TBC1D9: variants seen among roughly 807,000 people sequenced by gnomAD.
TBC1D9 encodes the protein TBC1 domain family member 9, also known as TBC1 domain family member 9A.
Under a neutral mutation model 132.0 loss-of-function variants are expected in TBC1D9, and 63 were observed. That is an observed-to-expected ratio of 0.48 (90% CI 0.39 to 0.59). The LOEUF (loss-of-function observed/expected upper bound fraction) is 0.59. Among genes scored for constraint, TBC1D9 ranks in the 20% least tolerant of loss-of-function variants. The pLI is 0.00. For missense variants in TBC1D9, 1,261 were observed against 1,592.7 expected (o/e 0.79, Z 3.54); for synonymous variants, 610 against 609.9 (o/e 1.00, Z 0.00).
intron 15 of TBC1D9, 85 bp from the exon 16 acceptor site, chr4:140,634,273 C>T: frequency 1.9e-6 from 3 of 1,542,402 alleles, no homozygotes; most frequent in Non-Finnish European, 2.6e-6. Flanking sequence ...TTGGAAAGGG[C>T]TTTAGGTGAA....
At chr4:140,712,449 A>AATATATATACATAT (rs1553972306) in intron 1 of TBC1D9, among the ~76,000 whole-genome samples, 6 of 102,706 alleles carry the variant, frequency 5.8e-5, no homozygotes, top group Non-Finnish European at 1.1e-4. Context: ...AAAAAAAAAG[A>AATATATATACATAT]ATATATATAT....
chr4:140,694,271 T>A (rs1737918431), intron 2 of TBC1D9, among the ~76,000 whole-genome samples: 1 of 152,144 alleles, frequency 6.6e-6, no homozygotes, highest in African/African-American at 2.4e-5. Flanking sequence ...ATAAAATATC[T>A]ACTTATTAAA....
intron 16 of TBC1D9, 113 bp from the exon 17 acceptor site, chr4:140,628,478 G>A (rs1423355640): frequency 4.3e-5 from 43 of 989,994 alleles, no homozygotes; most frequent in Non-Finnish European, 2.2e-5. Flanking sequence ...GACATTGTGT[G>A]GTGAAAGGCC....
chr4:140,642,518 A>T lies in TBC1D9; in HGVS notation c.2338-3090T>A, dbSNP rs1737019940. 5 of 1,164,780 alleles carry T rather than the reference A, an allele frequency of 4.3e-6. No individual in the cohort carries two copies. The East Asian group carries it at 9.4e-5, about 22-fold the overall frequency. The allele number at this position is 1,164,780 out of a possible 1,614,324, so 72.2% of individuals were successfully genotyped here. A position where few individuals can be genotyped will look rare whatever the true frequency, so the allele number is the denominator to read the frequency against. ...GCACTGTCTGAAAACTTGAAGGGTG[A>T]CTTCAACTTGTCCTGCTTGGTGAGG... On this transcript the variant is annotated intron_variant, in intron 13 of 20. Coordinates refer to ENST00000442267, the MANE Select transcript of TBC1D9 (RefSeq NM_015130.3).
intron 18 of TBC1D9, 140 bp downstream of exon 18, chr4:140,627,301 C>A (rs927353920): frequency 6.6e-6 from 4 of 601,666 alleles, no homozygotes; most frequent in Non-Finnish European, 1.2e-5. Flanking sequence ...ATCTCAAAAA[C>A]TGGAAAGGAA....
intron 3 of TBC1D9, among the ~76,000 whole-genome samples, chr4:140,684,507 G>A (rs920804490): frequency 4.6e-5 from 7 of 151,948 alleles, no homozygotes; most frequent in African/African-American, 1.5e-4. Flanking sequence ...TTGGTTTCAG[G>A]GGAATTAAAT....
At chr4:140,642,014 G>A (rs1578819703) in intron 13 of TBC1D9, 3 of 637,618 alleles carry the variant, frequency 4.7e-6, no homozygotes, top group Non-Finnish European at 8.6e-6. Context: ...TTAGCCTCTC[G>A]AAGCAGCAAA....
intron 3 of TBC1D9, among the ~76,000 whole-genome samples, chr4:140,681,715 G>A (rs926632856): frequency 1.3e-5 from 2 of 152,126 alleles, no homozygotes; most frequent in Admixed American, 1.3e-4. Context: ...ACAGAGATCT[G>A]ACTACAGTAT....
At chr4:140,716,894 A>C (rs1738342449) in intron 1 of TBC1D9, among the ~76,000 whole-genome samples, 2 of 151,208 alleles carry the variant, frequency 1.3e-5, no homozygotes, top group African/African-American at 4.9e-5. Flanking sequence ...ATGCTCATTT[A>C]AACTGAGTTT....
intron 13 of TBC1D9, among the ~76,000 whole-genome samples, chr4:140,652,100 C>A (rs567543863): frequency 6.6e-6 from 1 of 151,856 alleles, no homozygotes; most frequent in Non-Finnish European, 1.5e-5. Context: ...GATTAGCCAG[C>A]CTTGGTGGTG....
intron 16 of TBC1D9, among the ~76,000 whole-genome samples, chr4:140,630,967 T>C: frequency 6.6e-6 from 1 of 152,246 alleles, no homozygotes; most frequent in East Asian, 1.9e-4. Flanking sequence ...AGAGTCCAAA[T>C]ACTGGGTCCA....
intron 1 of TBC1D9, among the ~76,000 whole-genome samples, chr4:140,702,898 C>A (rs779366243): frequency 1.6e-4 from 25 of 152,072 alleles, no homozygotes; most frequent in Non-Finnish European, 2.6e-4. Flanking sequence ...GAGCTCAGAC[C>A]AGCTGACAAT....
chr4:140,622,158 C>T lies in TBC1D9; in HGVS notation c.*37G>A. On this transcript the variant is annotated 3_prime_UTR_variant, in exon 21 of 21. Coordinates refer to ENST00000442267, the MANE Select transcript of TBC1D9 (RefSeq NM_015130.3). ...CAGAAGAACATAAAAAATCCCTCCC[C>T]TCCCTCTCCTCCCACTCCCCCGGGA... 2 of 1,520,094 alleles carry T rather than the reference C, an allele frequency of 1.3e-6. No homozygotes were observed. The highest frequency in any genetic ancestry group is 4.1e-5 in the Admixed American group (2 of 48,994). 94.2% of individuals were successfully genotyped at this position (1,520,094 alleles called of 1,614,324 possible). A position where few individuals can be genotyped will look rare whatever the true frequency, so the allele number is the denominator to read the frequency against.
intron 1 of TBC1D9, among the ~76,000 whole-genome samples, chr4:140,729,845 A>AAAT (rs1738560228): frequency 6.7e-6 from 1 of 150,068 alleles, no homozygotes; most frequent in African/African-American, 2.4e-5. Flanking sequence ...AAAAAAAAAA[A>AAAT]TCCCCTTGAG....
intron 1 of TBC1D9, among the ~76,000 whole-genome samples, chr4:140,738,308 T>G (rs1370577778): frequency 6.6e-6 from 1 of 152,206 alleles, no homozygotes. Flanking sequence ...GCTTACTTTA[T>G]CTTATGTAAA....
chr4:140,626,828 T>G (rs920863049), intron 18 of TBC1D9, among the ~76,000 whole-genome samples: 14 of 152,182 alleles, frequency 9.2e-5, no homozygotes, highest in Non-Finnish European at 1.3e-4. Flanking sequence ...TTTTAGCCAC[T>G]CAATTCTGCA....
intron 2 of TBC1D9, among the ~76,000 whole-genome samples, chr4:140,689,721 C>CTCCCT (rs1458898055): frequency 1.3e-5 from 1 of 75,650 alleles, no homozygotes; most frequent in Non-Finnish European, 2.6e-5. Context: ...TCCCTTCCCC[C>CTCCCT]TCCCTTCCCT....
At position 140,678,950 on chromosome 4, in the gene TBC1D9, A is replaced by G; in HGVS notation, c.843T>C (p.Ala281=). 1 of 1,613,864 alleles carries G rather than the reference A, an allele frequency of 6.2e-7. No individual in the cohort carries two copies. Among genetic ancestry groups the G allele is most frequent in the Non-Finnish European group, 8.5e-7 (1 of 1,179,792 alleles). The change falls in exon 5 of 21, where the codon GCT becomes GCC. Residue 281 remains alanine (A), a synonymous_variant. Transcript: ENST00000442267. ...AGGTCTCTATCACCCACCGTTTTAG[A>G]GCAGACACTTTTTTAGGAGATTTCC... ...LKRKSPKKVS[A]LKRDLDARAK... is the part of the protein sequence containing the mutation.
chr4:140,652,571 G>C (rs370401364), intron 13 of TBC1D9, among the ~76,000 whole-genome samples: 1 of 152,148 alleles, frequency 6.6e-6, no homozygotes, highest in East Asian at 1.9e-4. Context: ...AAAGTCCCTT[G>C]GTCCTGGCTT....
Sources: allele counts gnomAD v4.1 joint callset (sites outside exome capture counted in the v4.1 genomes callset), GRCh38; gene constraint gnomAD v4.1.1; transcripts MANE v1.5; gene names NCBI Gene and HGNC (gene_info 2026-07-23, HGNC 2026-07-21).